The following GLP2R variants were observed in gnomAD, a reference collection of about 807,000 sequenced individuals.
GLP2R encodes the protein glucagon like peptide 2 receptor.
A neutral mutation model predicts 68.2 loss-of-function variants in GLP2R; 59 were observed. The observed-to-expected ratio is 0.87, with a 90% confidence interval of 0.70 to 1.07. The LOEUF (loss-of-function observed/expected upper bound fraction) is 1.07, where lower values mean the gene tolerates loss of function less well. Ranked by LOEUF, GLP2R falls within the 50% of genes least tolerant of loss-of-function variation. The pLI, the probability that GLP2R is intolerant of heterozygous loss-of-function variation, is 0.00. For synonymous variants in GLP2R, 270 were observed against 265.4 expected (o/e 1.02, Z -0.17); for missense variants, 548 against 677.4 (o/e 0.81, Z 2.12).
At chr17:9,851,338 G>A (rs1388175847) in intron 4 of GLP2R, among the ~76,000 whole-genome samples, 5 of 152,182 alleles carry the variant, frequency 3.3e-5, no homozygotes, top group Non-Finnish European at 5.9e-5. Context: ...GTGTTTCATA[G>A]TCTATCTGGA....
chr17:9,880,944 C>A (rs576051295), intron 11 of GLP2R, among the ~76,000 whole-genome samples: 2 of 152,120 alleles, frequency 1.3e-5, no homozygotes, highest in African/African-American at 4.8e-5. Flanking sequence ...GGCTATTGAA[C>A]CTTGACAGAT....
intron 3 of GLP2R, among the ~76,000 whole-genome samples, chr17:9,842,083 C>T (rs867445822): frequency 4.8e-5 from 7 of 144,654 alleles, no homozygotes; most frequent in African/African-American, 1.4e-4. Flanking sequence ...GCATGGATGG[C>T]GCATCCGGCT....
chr17:9,833,966 C>T, intron 2 of GLP2R, 72 bp downstream of exon 2: 1 of 912,148 alleles, frequency 1.1e-6, no homozygotes, highest in Non-Finnish European at 1.8e-6. Flanking sequence ...AAAACAATAA[C>T]TAGTCACTTA....
intron 3 of GLP2R, among the ~76,000 whole-genome samples, chr17:9,836,880 C>T (rs1027306383): frequency 2.0e-5 from 3 of 151,806 alleles, no homozygotes; most frequent in Non-Finnish European, 2.9e-5. Flanking sequence ...GATGGAATCT[C>T]GCTCTGTCGC....
In GLP2R at chr17:9,862,036, T is replaced by C. The variant is rs779122087; in HGVS notation, c.1002T>C (p.Asn334=). Residue 334 remains asparagine, a synonymous_variant, in exon 9 of 13, where the codon AAT becomes AAC. Transcript: ENST00000262441. ...HLENTGCWTT[N]GNKKIWWIIR... ...TTGACCTTAGGTGCTGGACAACAAATGGGAATAAGAAAATCTGGTGGATCA... is the reference window on the plus strand; with the variant it reads ...TTGACCTTAGGTGCTGGACAACAAACGGGAATAAGAAAATCTGGTGGATCA... 3 of 1,613,490 alleles carry C rather than the reference T, an allele frequency of 1.9e-6. No homozygotes were observed. Among genetic ancestry groups the C allele is most frequent in the East Asian group, 2.2e-5 (1 of 44,876 alleles).
chr17:9,851,388 C>A (rs2066890191), intron 4 of GLP2R, among the ~76,000 whole-genome samples: 1 of 152,198 alleles, frequency 6.6e-6, no homozygotes, highest in Non-Finnish European at 1.5e-5. Context: ...TTGAATAATA[C>A]AATTGACACC....
At chr17:9,827,251 C>A (rs898173770) in intron 1 of GLP2R, among the ~76,000 whole-genome samples, 1 of 152,036 alleles carries the variant, frequency 6.6e-6, no homozygotes, top group African/African-American at 2.4e-5. Context: ...TAACAAAATA[C>A]ACTAATAACA....
chr17:9,890,113 A>G lies in GLP2R; in HGVS notation c.*408A>G, dbSNP rs2067279049. The G allele has an allele frequency of 2.2e-6, 1 of 454,034 alleles. No homozygotes were observed. Among genetic ancestry groups the G allele is most frequent in the Admixed American group, 2.4e-5 (1 of 41,672 alleles). The allele number at this position is 454,034 out of a possible 1,614,324, so 28.1% of individuals were successfully genotyped here. ...TAGGGTGCGTGAAAACCTCCTAGGA[A>G]GCTTTTAAAATGCAGAATCCTAGAC... is the stretch of plus-strand genomic sequence containing the variant. On this transcript the variant is annotated 3_prime_UTR_variant, in exon 13 of 13. Transcript: ENST00000262441.
intron 9 of GLP2R, chr17:9,866,012 C>A: frequency 2.3e-6 from 1 of 434,424 alleles, no homozygotes. Context: ...GGAGCTAAAC[C>A]TGCTGCCCTC....
intron 9 of GLP2R, among the ~76,000 whole-genome samples, chr17:9,869,562 T>G (rs989133661): frequency 2.0e-5 from 3 of 152,218 alleles, no homozygotes; most frequent in African/African-American, 7.2e-5. Flanking sequence ...ATCTGAAGGC[T>G]TGGCTGGGGC....
At chr17:9,882,181 T>G (rs1183012385) in intron 11 of GLP2R, among the ~76,000 whole-genome samples, 1 of 152,178 alleles carries the variant, frequency 6.6e-6, no homozygotes, top group African/African-American at 2.4e-5. Flanking sequence ...GAAATTCTAG[T>G]GAAAACTAGC....
chr17:9,844,768 G>T (rs2066822280), intron 4 of GLP2R, among the ~76,000 whole-genome samples: 2 of 125,632 alleles, frequency 1.6e-5, no homozygotes, highest in Non-Finnish European at 3.1e-5. Context: ...TTGGCTCACT[G>T]CAACCTCTGC....
chr17:9,844,345 G>T (rs1349984830), intron 4 of GLP2R, among the ~76,000 whole-genome samples: 1 of 152,194 alleles, frequency 6.6e-6, no homozygotes, highest in Non-Finnish European at 1.5e-5. Flanking sequence ...GTCAACACAT[G>T]AGTTAGTTAT....
At chr17:9,865,396 C>T (rs987016876) in intron 9 of GLP2R, among the ~76,000 whole-genome samples, 1 of 152,044 alleles carries the variant, frequency 6.6e-6, no homozygotes, top group Non-Finnish European at 1.5e-5. Flanking sequence ...CCTGACAATC[C>T]ATCCTCTTGT....
chr17:9,839,660 C>G (rs1327136411), intron 3 of GLP2R, among the ~76,000 whole-genome samples: 1 of 152,172 alleles, frequency 6.6e-6, no homozygotes, highest in African/African-American at 2.4e-5. Context: ...ATTCTGTCTC[C>G]CCAGCATCAC....
At chr17:9,852,733 G>T in intron 4 of GLP2R, 1 of 244,502 alleles carries the variant, frequency 4.1e-6, no homozygotes, top group Non-Finnish European at 8.0e-6. Flanking sequence ...TTTTTGCCTG[G>T]AGTGTTTCAT....
chr17:9,862,139 G>C (rs757547728), intron 9 of GLP2R, 49 bp downstream of exon 9: 1 of 1,393,534 alleles, frequency 7.2e-7, no homozygotes, highest in South Asian at 1.2e-5. Context: ...AGCAGCTGTG[G>C]GGAATCCCCC....
intron 3 of GLP2R, among the ~76,000 whole-genome samples, chr17:9,836,820 CAA>C (rs2066735947): frequency 6.7e-6 from 1 of 149,474 alleles, no homozygotes; most frequent in Non-Finnish European, 1.5e-5. Flanking sequence ...AATGGACGAT[CAA>C]GTTATTATTA....
At position 9,862,039 on chromosome 17, in the gene GLP2R, G is replaced by T; in HGVS notation, c.1005G>T (p.Gly335=). The T allele has an allele frequency of 1.2e-6, 2 of 1,613,404 alleles. No individual in the cohort carries two copies. Among genetic ancestry groups the T allele is most frequent in the Non-Finnish European group, 1.7e-6 (2 of 1,179,398 alleles). The change falls in exon 9 of 13, where the codon GGG becomes GGT. Residue 335 remains glycine, a synonymous_variant. Transcript: ENST00000262441. The part of the protein sequence containing the change: ...LENTGCWTTN[G]NKKIWWIIRG... ...ACCTTAGGTGCTGGACAACAAATGG[G>T]AATAAGAAAATCTGGTGGATCATCC...
Sources: gnomAD v4.1 joint callset for allele counts (sites outside exome capture counted in the v4.1 genomes callset) on GRCh38, gnomAD v4.1.1 for gene constraint, MANE v1.5 for transcripts, NCBI Gene and HGNC (gene_info 2026-07-23, HGNC 2026-07-21) for gene names.